PDE4B: variants seen among roughly 807,000 people sequenced by gnomAD.
PDE4B encodes 3',5'-cyclic-AMP phosphodiesterase 4B.
A neutral mutation model predicts 82.2 loss-of-function variants in PDE4B; 20 were observed. That is an observed-to-expected ratio of 0.24 (90% CI 0.17 to 0.35). The LOEUF is 0.35. Among genes scored for constraint, PDE4B ranks in the 10% least tolerant of loss-of-function variants. PDE4B has a pLI of 1.00. For missense variants in PDE4B, 655 were observed against 907.2 expected (o/e 0.72, Z 3.57); for synonymous variants, 320 against 318.9 (o/e 1.00, Z -0.04).
intron 3 of PDE4B, among the ~76,000 whole-genome samples, chr1:65,926,363 A>G (rs1319071681): frequency 6.6e-6 from 1 of 152,192 alleles, no homozygotes; most frequent in Non-Finnish European, 1.5e-5. Context: ...GCTACTTGCT[A>G]TGGAGATCTT....
chr1:66,327,608 T>C (rs545013493), intron 7 of PDE4B, among the ~76,000 whole-genome samples: 1 of 152,370 alleles, frequency 6.6e-6, no homozygotes, highest in African/African-American at 2.4e-5. Flanking sequence ...CCCATGAGAA[T>C]AGGATATTTT....
intron 3 of PDE4B, among the ~76,000 whole-genome samples, chr1:66,202,923 A>G (rs1649143728): frequency 6.6e-6 from 1 of 151,594 alleles, no homozygotes; most frequent in Non-Finnish European, 1.5e-5. Context: ...TCATTAGTTG[A>G]TGCAGTTTCT....
chr1:66,350,332 C>A (rs1457957631), intron 8 of PDE4B, among the ~76,000 whole-genome samples: 1 of 152,118 alleles, frequency 6.6e-6, no homozygotes, highest in East Asian at 1.9e-4. Flanking sequence ...AGACGGCCAC[C>A]CACAAGAGTA....
chr1:65,800,438 T>C (rs181534252), intron 1 of PDE4B, among the ~76,000 whole-genome samples: 1 of 152,368 alleles, frequency 6.6e-6, no homozygotes, highest in East Asian at 1.9e-4. Context: ...GTAGGACTTC[T>C]ATTTGCAAGG....
chr1:65,821,472 C>T (rs781596226), intron 1 of PDE4B, among the ~76,000 whole-genome samples: 3 of 152,202 alleles, frequency 2.0e-5, no homozygotes, highest in Non-Finnish European at 4.4e-5. Flanking sequence ...GGGCTAGAAG[C>T]TGTCTCCTAA....
intron 1 of PDE4B, among the ~76,000 whole-genome samples, chr1:65,860,509 G>A (rs765919538): frequency 3.9e-5 from 6 of 152,164 alleles, no homozygotes; most frequent in Non-Finnish European, 5.9e-5. Context: ...ATAAACATAC[G>A]TGTGCATGTG....
intron 7 of PDE4B, among the ~76,000 whole-genome samples, chr1:66,325,072 T>C (rs1450047944): frequency 6.6e-6 from 1 of 152,168 alleles, no homozygotes; most frequent in East Asian, 1.9e-4. Flanking sequence ...CCAATTCCTA[T>C]ATGTATGAAA....
intron 1 of PDE4B, among the ~76,000 whole-genome samples, chr1:65,843,742 T>A (rs1646236586): frequency 6.6e-6 from 1 of 152,150 alleles, no homozygotes; most frequent in Non-Finnish European, 1.5e-5. Flanking sequence ...TCCAAACATA[T>A]TATTCTTCCA....
intron 3 of PDE4B, among the ~76,000 whole-genome samples, chr1:66,229,209 C>T (rs1379522635): frequency 6.6e-6 from 1 of 151,546 alleles, no homozygotes; most frequent in Non-Finnish European, 1.5e-5. Flanking sequence ...TGGGGTTTCA[C>T]CGTGTTAGCC....
At chr1:66,371,871 G>A (rs1173458571) in intron 16 of PDE4B, among the ~76,000 whole-genome samples, 1 of 152,226 alleles carries the variant, frequency 6.6e-6, no homozygotes, top group Non-Finnish European at 1.5e-5. Flanking sequence ...AATCCAAGTA[G>A]TGGCAAAGTC....
intron 7 of PDE4B, among the ~76,000 whole-genome samples, chr1:66,315,284 G>C (rs532220981): frequency 1.3e-5 from 2 of 152,302 alleles, no homozygotes; most frequent in African/African-American, 4.8e-5. Flanking sequence ...TTTGGAGTTA[G>C]AGAAAGTAAA....
At chr1:66,267,389 A>G (rs1183197294) in intron 7 of PDE4B, 1 of 152,210 alleles carries the variant, frequency 6.6e-6, no homozygotes, top group Non-Finnish European at 1.5e-5. Flanking sequence ...AACTCCAATC[A>G]TTTCATCATA....
At chr1:65,863,604 T>C (rs1378695293) in intron 1 of PDE4B, among the ~76,000 whole-genome samples, 1 of 152,098 alleles carries the variant, frequency 6.6e-6, no homozygotes, top group African/African-American at 2.4e-5. Context: ...GACAGTGGGG[T>C]GTTAAAGTCT....
intron 3 of PDE4B, among the ~76,000 whole-genome samples, chr1:65,920,381 C>T (rs906017723): frequency 6.6e-6 from 1 of 152,152 alleles, no homozygotes; most frequent in African/African-American, 2.4e-5. Context: ...GGTGTTGGTG[C>T]TATATCTGTT....
chr1:66,358,355 C>A (rs1662435732), intron 9 of PDE4B, among the ~76,000 whole-genome samples: 1 of 152,094 alleles, frequency 6.6e-6, no homozygotes, highest in Non-Finnish European at 1.5e-5. Context: ...CTTTAGGAAT[C>A]AGGATTGTTG....
intron 3 of PDE4B, among the ~76,000 whole-genome samples, chr1:66,173,931 C>T (rs907768815): frequency 1.3e-5 from 2 of 152,126 alleles, no homozygotes; most frequent in African/African-American, 2.4e-5. Context: ...GAGCCACGGG[C>T]TTGTGTCACC....
At chr1:65,984,562 A>G (rs992302101) in intron 3 of PDE4B, among the ~76,000 whole-genome samples, 22 of 152,266 alleles carry the variant, frequency 1.4e-4, no homozygotes, top group African/African-American at 5.3e-4. Flanking sequence ...CAAGACCAGC[A>G]TGGCCAACAT....
At chr1:66,263,488 C>A (rs1654828361) in intron 6 of PDE4B, among the ~76,000 whole-genome samples, 1 of 152,190 alleles carries the variant, frequency 6.6e-6, no homozygotes, top group Admixed American at 6.5e-5. Flanking sequence ...AAATCACTTT[C>A]ACATCAGTGG....
chr1:66,090,899 G>C (rs1357856614), intron 3 of PDE4B, among the ~76,000 whole-genome samples: 1 of 151,876 alleles, frequency 6.6e-6, no homozygotes, highest in East Asian at 1.9e-4. Flanking sequence ...GTCTGAAAAT[G>C]TTTAATTACA....
Sources: allele counts gnomAD v4.1 joint callset (sites outside exome capture counted in the v4.1 genomes callset), GRCh38; gene constraint gnomAD v4.1.1; transcripts MANE v1.5; gene names NCBI Gene and HGNC (gene_info 2026-07-23, HGNC 2026-07-21).